ASIC1: variants seen among roughly 807,000 people sequenced by gnomAD.
ASIC1 encodes acid-sensing ion channel 1.
ASIC1 carries 21 observed loss-of-function variants against 63.4 expected under a neutral mutation model. That is an observed-to-expected ratio of 0.33 (90% CI 0.23 to 0.48). ASIC1 has a LOEUF of 0.48. Ranked by LOEUF, ASIC1 falls within the 20% of genes least tolerant of loss-of-function variation. The probability of loss-of-function intolerance (pLI) is 0.99; values close to 1 mark genes in which losing one functional copy is unlikely to be tolerated. For synonymous variants in ASIC1, 258 were observed against 278.2 expected (o/e 0.93, Z 0.72); for missense variants, 478 against 695.5 (o/e 0.69, Z 3.52).
At chr12:50,069,760 AT>A (rs1185516521) in intron 3 of ASIC1, among the ~76,000 whole-genome samples, 1 of 151,826 alleles carries the variant, frequency 6.6e-6, no homozygotes, top group East Asian at 1.9e-4. Context: ...TCATTTTTGA[AT>A]TGAGGTCTGT....
Position 50,074,165 on chromosome 12 carries a change from G to A in ASIC1, c.559-3048G>A, listed in dbSNP as rs574174712. ...TTTAACCTGCACCGCTTCTACAATC[G>A]CTCCTGCCACCGGCTGGAGGACATG... On this transcript the variant is annotated intron_variant, in intron 3 of 11. Coordinates refer to ENST00000447966, the MANE Select transcript of ASIC1 (RefSeq NM_001095.4). This position sits in a 1 kb window ranked among gnomAD's most constrained non-coding sequence, Gnocchi z 4.2. 3.7e-5 allele frequency: 57 copies of A among 1,534,710 alleles called. 1 individual carries two copies. Among genetic ancestry groups the A allele is most frequent in the Middle Eastern group, 1.7e-4 (1 of 5,980 alleles).
rs971067056 is a variant in ASIC1 at position 50,078,359 on chromosome 12, T to C, written c.838-62T>C. The C allele has an allele frequency of 6.3e-7, 1 of 1,594,590 alleles. No homozygotes were observed. The highest frequency in any genetic ancestry group is 8.6e-7 in the Non-Finnish European group (1 of 1,168,228). ...AGAGATCTGCATCTTGTCAGAGGAG[T>C]CCATCAAGCTGATTTGGGGAGAAGT... On this transcript the variant is annotated intron_variant, in intron 5 of 11. Transcript: ENST00000447966. The surrounding 1 kb of genome is among the most constrained non-coding windows in gnomAD (Gnocchi z 6.0).
intron 3 of ASIC1, among the ~76,000 whole-genome samples, chr12:50,069,857 G>A (rs2137826123): frequency 6.6e-6 from 1 of 152,332 alleles, no homozygotes; most frequent in Admixed American, 6.5e-5. Context: ...GAATGAAGAA[G>A]CAAGGGATTT....
chr12:50,074,360 C>T lies in ASIC1; in HGVS notation c.559-2853C>T. On this transcript the variant is annotated intron_variant, in intron 3 of 11. Coordinates refer to ENST00000447966, the MANE Select transcript of ASIC1 (RefSeq NM_001095.4). This position sits in a 1 kb window ranked among gnomAD's most constrained non-coding sequence, Gnocchi z 4.2. ...GGGGCTGGGGCTGATGACTGTGCTG[C>T]CCCCTACCTCATCTGGCTGACACAG... 7.1e-7 allele frequency: 1 copy of T among 1,405,240 alleles called. No individual in the cohort carries two copies. The highest frequency in any genetic ancestry group is 9.2e-7 in the Non-Finnish European group (1 of 1,081,846). 87.0% of individuals were successfully genotyped at this position (1,405,240 alleles called of 1,614,324 possible).
chr12:50,081,061 T>G (rs1296087236), intron 9 of ASIC1, 41 bp from the exon 10 acceptor site: 1 of 1,530,764 alleles, frequency 6.5e-7, no homozygotes, highest in South Asian at 1.2e-5. Context: ...GCCCCCACGA[T>G]GTCCTGACCC....
chr12:50,078,746 G>A lies in ASIC1; in HGVS notation c.994+169G>A. ...GTTCCCGCCTGCACCCCCAGGGATG[G>A]GTGGGAAGGGTCTAGAAGGTATGGA... is the stretch of plus-strand genomic sequence containing the variant. On this transcript the variant is annotated intron_variant, in intron 6 of 11. Coordinates refer to ENST00000447966, the MANE Select transcript of ASIC1 (RefSeq NM_001095.4). This position sits in a 1 kb window ranked among gnomAD's most constrained non-coding sequence, Gnocchi z 6.0. 1 of 1,334,154 alleles carries A rather than the reference G, an allele frequency of 7.5e-7. No individual in the cohort carries two copies. Among genetic ancestry groups the A allele is most frequent in the Non-Finnish European group, 1.1e-6 (1 of 941,774 alleles). The allele number at this position is 1,334,154 out of a possible 1,614,324, so 82.6% of individuals were successfully genotyped here. A position where few individuals can be genotyped will look rare whatever the true frequency, so the allele number is the denominator to read the frequency against.
chr12:50,080,435 C>T lies in ASIC1; in HGVS notation c.1206-63C>T, dbSNP rs987621143. ...CAGAGAGGCTGCCTTGCCAAGGTCA[C>T]CTGGTTAGTAAGAGATAGAGATATG... On this transcript the variant is annotated intron_variant, in intron 8 of 11. Transcript: ENST00000447966. 7.9e-6 allele frequency: 12 copies of T among 1,523,298 alleles called. No homozygotes were observed. In the African/African-American group the frequency reaches 1.6e-4, roughly 21 times the overall value. 94.4% of individuals were successfully genotyped at this position (1,523,298 alleles called of 1,614,324 possible).
chr12:50,060,645 G>A (rs1950493199), intron 3 of ASIC1, among the ~76,000 whole-genome samples: 1 of 152,180 alleles, frequency 6.6e-6, no homozygotes, highest in Non-Finnish European at 1.5e-5. Context: ...TGCCCTGGAG[G>A]CTTCCTTTGC....
chr12:50,072,428 G>A (rs1378546027), intron 3 of ASIC1, among the ~76,000 whole-genome samples: 1 of 152,182 alleles, frequency 6.6e-6, no homozygotes. Flanking sequence ...ACACACAGAG[G>A]GGCCAGGGGC....
chr12:50,077,217 T>A lies in ASIC1; in HGVS notation c.563T>A (p.Phe188Tyr), dbSNP rs1950664234. 6.2e-7 allele frequency: 1 copy of A among 1,608,952 alleles called. No individual in the cohort carries two copies. Among genetic ancestry groups the A allele is most frequent in the Admixed American group, 1.7e-5 (1 of 59,700 alleles). ...VCSAEDFKVVFTRYGKCYTFN... is the reference protein window; with the variant it reads ...VCSAEDFKVVYTRYGKCYTFN... ...TCTCCACTCTGCCCTCGCCAGGTCT[T>A]CACACGCTATGGAAAGTGCTACACG... The change falls in exon 4 of 12, where the codon TTC becomes TAC. Residue 188 changes from phenylalanine to tyrosine, a missense_variant. Phe to Tyr is a conservative substitution (Grantham distance 22). Coordinates refer to ENST00000447966, the MANE Select transcript of ASIC1 (RefSeq NM_001095.4).
intron 3 of ASIC1, among the ~76,000 whole-genome samples, chr12:50,070,500 T>C (rs1384416170): frequency 2.0e-5 from 3 of 152,060 alleles, no homozygotes; most frequent in African/African-American, 7.2e-5. Flanking sequence ...TCTTGGTTGC[T>C]GTGGGGGAAG....
Position 50,081,332 on chromosome 12 carries a change from G to C in ASIC1, c.1450G>C (p.Val484Leu), listed in dbSNP as rs1232581431. 1 of 1,609,836 alleles carries C rather than the reference G, an allele frequency of 6.2e-7. No homozygotes were observed. Among genetic ancestry groups the C allele is most frequent in the East Asian group, 2.2e-5 (1 of 44,668 alleles). ...CAAAAGGAGCAGTGCGGACAAGGGC[G>C]TGGCCCTCAGCCTGGACGACGTCAA... Reference protein sequence around the residue: ...EAKRSSADKGVALSLDDVKRH... With the variant: ...EAKRSSADKGLALSLDDVKRH... The change falls in exon 11 of 12, where the codon GTG becomes CTG. Residue 484 changes from valine (V) to leucine (L), a missense_variant. This residue lies in a region of ASIC1 where 104 missense variants were observed against 97.0 expected (regional missense o/e 1.07). Transcript: ENST00000447966.
intron 3 of ASIC1, among the ~76,000 whole-genome samples, chr12:50,062,484 G>C (rs1950509369): frequency 6.6e-6 from 1 of 152,242 alleles, no homozygotes; most frequent in African/African-American, 2.4e-5. Context: ...TCAGGGAAGA[G>C]AGGCTTTGTG....
At chr12:50,080,139 G>C in intron 8 of ASIC1, 84 bp downstream of exon 8, 1 of 1,505,828 alleles carries the variant, frequency 6.6e-7, no homozygotes, top group Non-Finnish European at 8.9e-7. Flanking sequence ...GCGGGGGCTG[G>C]CAGGCAGGGG....
At chr12:50,075,345 C>T (rs1950644588) in intron 3 of ASIC1, among the ~76,000 whole-genome samples, 1 of 152,228 alleles carries the variant, frequency 6.6e-6, no homozygotes, top group South Asian at 2.1e-4. Context: ...AGTTCTCACC[C>T]AGGCCCACCA....
chr12:50,067,579 T>TG (rs1441145446), intron 3 of ASIC1, among the ~76,000 whole-genome samples: 10 of 152,078 alleles, frequency 6.6e-5, no homozygotes, highest in African/African-American at 2.4e-4. Flanking sequence ...CGGCTATTTT[T>TG]TTGTTGTTGT....
In ASIC1 at chr12:50,083,527, C is replaced by G. The variant is rs1950743108; in HGVS notation, c.*1878C>G. 6.5e-6 allele frequency: 1 copy of G among 152,752 alleles called. No individual in the cohort carries two copies. Among genetic ancestry groups the G allele is most frequent in the Non-Finnish European group, 1.5e-5 (1 of 68,152 alleles). 9.5% of individuals were successfully genotyped at this position (152,752 alleles called of 1,614,324 possible). ...TCCCCAGAGGGAAGCAGGAATGAGG[C>G]CAAAAAGTGTGCATTGGATAGGGGA... On this transcript the variant is annotated 3_prime_UTR_variant, in exon 12 of 12. Coordinates refer to ENST00000447966, the MANE Select transcript of ASIC1 (RefSeq NM_001095.4).
At position 50,081,482 on chromosome 12, in the gene ASIC1, C is replaced by T. The variant is rs1950718644; in HGVS notation, c.1483-63C>T. The T allele has an allele frequency of 1.6e-5, 22 of 1,343,652 alleles. No individual in the cohort carries two copies. The South Asian group carries it at 2.5e-4, about 15-fold the overall frequency. The allele number at this position is 1,343,652 out of a possible 1,614,324, so 83.2% of individuals were successfully genotyped here. ...CCTTCTCTCCTTTGCCTCCCGAATG[C>T]CCCAGCACTACCTGAAGCCCTTCCG... is the stretch of plus-strand genomic sequence containing the variant. On this transcript the variant is annotated intron_variant, in intron 11 of 11. Transcript: ENST00000447966.
In ASIC1 at chr12:50,081,118, G is replaced by A. The variant is rs1464894498; in HGVS notation, c.1314G>A (p.Gln438=). 4 of 1,609,966 alleles carry A rather than the reference G, an allele frequency of 2.5e-6. No homozygotes were observed. In the East Asian group the frequency reaches 6.7e-5, roughly 27 times the overall value. ...CCCCCGCAGGTGACATCGGGGGCCAGATGGGGCTGTTCATCGGGGCCAGCA... is the reference window on the plus strand; with the variant it reads ...CCCCCGCAGGTGACATCGGGGGCCAAATGGGGCTGTTCATCGGGGCCAGCA... ...IAGLLGDIGG[Q]MGLFIGASIL... Residue 438 remains glutamine, a synonymous_variant, in exon 10 of 12, where the codon CAG becomes CAA. Transcript: ENST00000447966.
Sources: gnomAD v4.1 joint callset for allele counts (sites outside exome capture counted in the v4.1 genomes callset) on GRCh38, gnomAD v4.1.1 for gene constraint, gnomAD v4.1.1 regional missense constraint, Gnocchi (gnomAD v3.1) non-coding constraint, MANE v1.5 for transcripts, NCBI Gene and HGNC (gene_info 2026-07-23, HGNC 2026-07-21) for gene names.